Variants in EPHB1 observed in about 807,000 individuals in gnomAD.
EPHB1 encodes ephrin type-B receptor 1.
Under a neutral mutation model 94.4 loss-of-function variants are expected in EPHB1, and 30 were observed. The ratio of observed to expected loss-of-function variants is 0.32; its 90% CI spans 0.24 to 0.43. EPHB1 has a LOEUF of 0.43. EPHB1 is among the 20% of genes least tolerant of loss of function. The pLI, the probability that EPHB1 is intolerant of heterozygous loss-of-function variation, is 1.00. For synonymous variants in EPHB1, 522 were observed against 489.1 expected (o/e 1.07, Z -0.89); for missense variants, 1,055 against 1,308.3 (o/e 0.81, Z 2.99).
At chr3:135,203,382 CTG>C (rs1942808583) in intron 12 of EPHB1, among the ~76,000 whole-genome samples, 1 of 152,084 alleles carries the variant, frequency 6.6e-6, no homozygotes, top group Non-Finnish European at 1.5e-5. Context: ...CCTGCATATT[CTG>C]TGTGTGTATC....
At chr3:134,847,940 C>A (rs2036907155) in intron 1 of EPHB1, among the ~76,000 whole-genome samples, 3 of 152,282 alleles carry the variant, frequency 2.0e-5, no homozygotes, top group South Asian at 2.1e-4. Flanking sequence ...ATACTTGGTG[C>A]TTAATGGCTA....
chr3:135,192,800 G>A lies in EPHB1; in HGVS notation c.2107G>A (p.Gly703Ser), dbSNP rs772555556. Residue 703 changes from glycine to serine, a missense_variant, in exon 11 of 16, where the codon GGT becomes AGT. By Grantham distance (56) the Gly-to-Ser change is moderately conservative. Transcript: ENST00000398015. ...GATCATCACAGAGTTCATGGAGAAT[G>A]GTGCATTGGATTCTTTCCTCAGGGT... ...VMIITEFMENGALDSFLRQND... is the reference protein window; with the variant it reads ...VMIITEFMENSALDSFLRQND... 1 of 1,614,032 alleles carries A rather than the reference G, an allele frequency of 6.2e-7. No homozygotes were observed. Among genetic ancestry groups the A allele is most frequent in the Admixed American group, 1.7e-5 (1 of 60,008 alleles).
At chr3:135,252,767 T>G (rs1309091159) in intron 15 of EPHB1, among the ~76,000 whole-genome samples, 1 of 140,734 alleles carries the variant, frequency 7.1e-6, no homozygotes, top group Non-Finnish European at 1.6e-5. Flanking sequence ...TATTTCCAGT[T>G]CTAGATCCCT....
intron 1 of EPHB1, among the ~76,000 whole-genome samples, chr3:134,892,065 C>T (rs2037994843): frequency 6.6e-6 from 1 of 152,234 alleles, no homozygotes; most frequent in African/African-American, 2.4e-5. Flanking sequence ...TTGCTACTCC[C>T]ATAGAAGTAC....
chr3:135,056,372 G>A (rs143389433), intron 3 of EPHB1, among the ~76,000 whole-genome samples: 111 of 152,308 alleles, frequency 7.3e-4, no homozygotes, highest in Non-Finnish European at 1.1e-3. Context: ...TCCCCTGTTC[G>A]GGCAGAGCAG....
intron 12 of EPHB1, among the ~76,000 whole-genome samples, chr3:135,238,623 C>G (rs897834655): frequency 6.7e-6 from 1 of 148,556 alleles, no homozygotes; most frequent in Non-Finnish European, 1.5e-5. Flanking sequence ...AAAAGATAAG[C>G]AAGCCCTAAC....
intron 1 of EPHB1, among the ~76,000 whole-genome samples, chr3:134,824,253 C>A (rs1242135066): frequency 6.8e-6 from 1 of 147,236 alleles, no homozygotes; most frequent in Non-Finnish European, 1.5e-5. Flanking sequence ...GTGGAGATGA[C>A]AATGAGGCGG....
intron 3 of EPHB1, among the ~76,000 whole-genome samples, chr3:135,091,365 AT>A (rs572711564): frequency 8.1e-4 from 124 of 152,262 alleles, no homozygotes; most frequent in African/African-American, 2.9e-3. Flanking sequence ...TCTGGGCCTC[AT>A]TTTTGCCATC....
At position 135,082,343 on chromosome 3, in the gene EPHB1, T is replaced by C. The variant is rs147427174; in HGVS notation, c.806-24105T>C. On this transcript the variant is annotated intron_variant, in intron 3 of 15. Coordinates refer to ENST00000398015, the MANE Select transcript of EPHB1 (RefSeq NM_004441.5). ...AGGCTGTGCTCTCAGAAGAGTTTCT[T>C]GAGAGACCAAATGATGATGACGATG... Among the ~76,000 whole-genome samples the C allele has an allele frequency of 5.8e-3, 880 of 152,324 alleles. 10 individuals are homozygous for C. Among genetic ancestry groups the C allele is most frequent in the African/African-American group, 0.02 (840 of 41,576 alleles).
chr3:135,101,811 C>G (rs975208744), intron 3 of EPHB1, among the ~76,000 whole-genome samples: 15 of 152,212 alleles, frequency 9.9e-5, no homozygotes, highest in African/African-American at 3.6e-4. Context: ...TATAAAGTTT[C>G]TTGTGACTCT....
chr3:134,886,656 T>C (rs1311877576), intron 1 of EPHB1, among the ~76,000 whole-genome samples: 9 of 152,338 alleles, frequency 5.9e-5, no homozygotes, highest in African/African-American at 2.2e-4. Context: ...ACAGCTCTAA[T>C]AGCATGTAAT....
rs374461776 is a variant in EPHB1, at chr3:135,246,178, A to G, written c.2497-2138A>G. On this transcript the variant is annotated intron_variant, in intron 13 of 15. Coordinates refer to ENST00000398015, the MANE Select transcript of EPHB1 (RefSeq NM_004441.5). Reference sequence around the variant, plus strand: ...TGCCCTGCACTGGAAGACTTTGGGGACCCCTGGCATCATGAGAGGTTGAGT... The same window carrying G: ...TGCCCTGCACTGGAAGACTTTGGGGGCCCCTGGCATCATGAGAGGTTGAGT... Among the ~76,000 whole-genome samples the G allele has an allele frequency of 1.5e-4, 23 of 151,996 alleles. No individual in the cohort carries two copies. In the East Asian group the frequency reaches 4.5e-3, roughly 29 times the overall value.
rs377179235 is a variant in EPHB1 at position 135,223,973 on chromosome 3, G to A, written c.2347-17175G>A. On this transcript the variant is annotated intron_variant, in intron 12 of 15. Coordinates refer to ENST00000398015, the MANE Select transcript of EPHB1 (RefSeq NM_004441.5). ...GTTATGTGCCATATAATGATGTTTT[G>A]GTCAGCGACAAATCACATATACAAT... is the stretch of plus-strand genomic sequence containing the variant. 3.3e-5 allele frequency among the ~76,000 whole-genome samples: 5 copies of A among 152,068 alleles called. No homozygotes were observed. The East Asian group carries it at 7.7e-4, about 24-fold the overall frequency.
chr3:135,161,991 G>A (rs377166324), intron 6 of EPHB1, 27 bp from the exon 7 acceptor site: 252 of 1,588,932 alleles, frequency 1.6e-4, no homozygotes, highest in Admixed American at 2.7e-4. Context: ...GAATGGGATA[G>A]TGACCCTTTC....
Position 134,951,472 on chromosome 3 carries a change from C to A in EPHB1, c.225C>A (p.Thr75=), listed in dbSNP as rs1212424608. 1 of 1,613,318 alleles carries A rather than the reference C, an allele frequency of 6.2e-7. No homozygotes were observed. The highest frequency in any genetic ancestry group is 1.7e-5 in the Admixed American group (1 of 59,966). ...EPNQNNWLLT[T]FINRRGAHRI... ...ACCAGAACAATTGGCTGCTCACCACCTTCATCAACCGGCGGGGGGCCCATC... is the reference window on the plus strand; with the variant it reads ...ACCAGAACAATTGGCTGCTCACCACATTCATCAACCGGCGGGGGGCCCATC... The change falls in exon 3 of 16, where the codon ACC becomes ACA. Residue 75 remains threonine, a synonymous_variant. Transcript: ENST00000398015. This position sits in a 1 kb window ranked among gnomAD's most constrained non-coding sequence, Gnocchi z 4.5.
chr3:134,834,717 G>A (rs1323574460), intron 1 of EPHB1, among the ~76,000 whole-genome samples: 1 of 152,152 alleles, frequency 6.6e-6, no homozygotes, highest in Non-Finnish European at 1.5e-5. Flanking sequence ...TCCAGGTGAA[G>A]GTCTCCTGGC....
At chr3:134,889,726 G>C (rs1049191295) in intron 1 of EPHB1, among the ~76,000 whole-genome samples, 5 of 151,042 alleles carry the variant, frequency 3.3e-5, no homozygotes. Context: ...TGCCCAGGCT[G>C]GTGTGCACTG....
At chr3:135,193,898 G>A (rs988810050) in intron 11 of EPHB1, among the ~76,000 whole-genome samples, 5 of 152,196 alleles carry the variant, frequency 3.3e-5, no homozygotes, top group Admixed American at 3.3e-4. Flanking sequence ...GGCCAGGTTT[G>A]GGAGGGACAC....
chr3:135,076,261 A>ATG (rs1553729687), intron 3 of EPHB1, among the ~76,000 whole-genome samples: 6 of 112,560 alleles, frequency 5.3e-5, no homozygotes, highest in Non-Finnish European at 9.5e-5. Context: ...ATATATATAT[A>ATG]ACTCTTAAAT....
Sources: allele counts gnomAD v4.1 joint callset (sites outside exome capture counted in the v4.1 genomes callset), GRCh38; gene constraint gnomAD v4.1.1; non-coding constraint Gnocchi (gnomAD v3.1); transcripts MANE v1.5; gene names NCBI Gene and HGNC (gene_info 2026-07-23, HGNC 2026-07-21).